Variants in TMEM92 observed in about 807,000 individuals in gnomAD.
TMEM92 encodes transmembrane protein 92.
TMEM92 carries 15 observed loss-of-function variants against 14.6 expected under a neutral mutation model. The ratio of observed to expected loss-of-function variants is 1.03; its 90% CI spans 0.69 to 1.58. The LOEUF is 1.58. Ranked by LOEUF, TMEM92 falls within the 40% of genes most tolerant of loss-of-function variation. The pLI is 0.00. For missense variants in TMEM92, 174 were observed against 202.4 expected, an observed-to-expected ratio of 0.86 and a Z score of 0.85; for synonymous variants, 85 against 83.3, an observed-to-expected ratio of 1.02 and a Z score of -0.11.
chr17:50,273,738 C>T (rs913885274), upstream of TMEM92, among the ~76,000 whole-genome samples: 4 of 152,198 alleles, frequency 2.6e-5, no homozygotes, highest in Non-Finnish European at 4.4e-5. Context: ...ACCATAACCC[C>T]TCAAAATCTA....
rs1380087818 is a variant in TMEM92, at chr17:50,280,236, T to G, written c.*928T>G. ...ACCACCTGCTGGGAGACAATGGGGG[T>G]GGGGAAAAGCCCAGGAGAGCAGTGG... On this transcript the variant is annotated 3_prime_UTR_variant, in exon 5 of 5. Coordinates refer to ENST00000507382, the MANE Select transcript of TMEM92 (RefSeq NM_153229.3). The G allele has an allele frequency of 6.6e-6, 1 of 151,786 alleles. No homozygotes were observed. Among genetic ancestry groups the G allele is most frequent in the Non-Finnish European group, 1.5e-5 (1 of 67,992 alleles). The allele number at this position is 151,786 out of a possible 1,614,324, so 9.4% of individuals were successfully genotyped here. A position where few individuals can be genotyped will look rare whatever the true frequency, so the allele number is the denominator to read the frequency against.
In TMEM92 at chr17:50,277,481, G is replaced by A. The variant is rs571868220; in HGVS notation, c.70-234G>A. Among the ~76,000 whole-genome samples the A allele has an allele frequency of 3.3e-5, 5 of 152,076 alleles. No individual in the cohort carries two copies. In the South Asian group the frequency reaches 1.0e-3, roughly 32 times the overall value. On this transcript the variant is annotated intron_variant, in intron 1 of 4. Coordinates refer to ENST00000507382, the MANE Select transcript of TMEM92 (RefSeq NM_153229.3). The stretch of plus-strand genomic sequence containing the variant: ...AAGGGATGAGCTTACAAACCCGGGG[G>A]TGATGGAATGTGCTGAGAGAGGAAG...
At chr17:50,276,719 A>T (rs929209819) in intron 1 of TMEM92, among the ~76,000 whole-genome samples, 1 of 152,200 alleles carries the variant, frequency 6.6e-6, no homozygotes, top group Non-Finnish European at 1.5e-5. Context: ...TGATGAATGC[A>T]CGTTCATTCA....
At chr17:50,278,024 C>T (rs1910485947) in intron 2 of TMEM92, among the ~76,000 whole-genome samples, 1 of 152,188 alleles carries the variant, frequency 6.6e-6, no homozygotes, top group East Asian at 1.9e-4. Flanking sequence ...TCCCCTGGGT[C>T]GGAGGCAGGG....
At position 50,274,822 on chromosome 17, in the gene TMEM92, T is replaced by A. The variant is rs8065325; in HGVS notation, c.69+252T>A. ...AGTGGCCACCACCCACCACCTTATCTGACACCTAGCACGTCTCTGTGAATA... is the reference window on the plus strand; with the variant it reads ...AGTGGCCACCACCCACCACCTTATCAGACACCTAGCACGTCTCTGTGAATA... On this transcript the variant is annotated intron_variant, in intron 1 of 4. Transcript: ENST00000507382. 1,362 of 542,358 alleles carry A rather than the reference T, an allele frequency of 2.5e-3. 9 individuals carry two copies. The highest frequency in any genetic ancestry group is 0.023 in the African/African-American group (1,185 of 51,432). 33.6% of individuals were successfully genotyped at this position (542,358 alleles called of 1,614,324 possible). A position where few individuals can be genotyped will look rare whatever the true frequency, so the allele number is the denominator to read the frequency against.
chr17:50,272,134 G>T (rs1312781025), upstream of TMEM92, among the ~76,000 whole-genome samples: 1 of 152,018 alleles, frequency 6.6e-6, no homozygotes, highest in African/African-American at 2.4e-5. Context: ...CCCTAGATCT[G>T]GGTCAGGTTG....
chr17:50,278,430 C>T lies in TMEM92; in HGVS notation c.96-126C>T, dbSNP rs899698499. 1.4e-5 allele frequency: 15 copies of T among 1,047,252 alleles called. No individual in the cohort carries two copies. In the Admixed American group the frequency reaches 2.5e-4, roughly 18 times the overall value. 64.9% of individuals were successfully genotyped at this position (1,047,252 alleles called of 1,614,324 possible). ...AGCTCAGAGCGGGGGCCATACCCCC[C>T]ACCCCACTAAGGGGTGGCTTGTGCC... On this transcript the variant is annotated intron_variant, in intron 2 of 4. Coordinates refer to ENST00000507382, the MANE Select transcript of TMEM92 (RefSeq NM_153229.3).
At chr17:50,272,487 G>A (rs1910278151), upstream of TMEM92, among the ~76,000 whole-genome samples, 1 of 152,054 alleles carries the variant, frequency 6.6e-6, no homozygotes, top group African/African-American at 2.4e-5. Flanking sequence ...AGCCCAAGTT[G>A]GCAACGACTC....
upstream of TMEM92, chr17:50,274,412 C>T (rs1224323550): frequency 1.2e-5 from 17 of 1,414,796 alleles, no homozygotes; most frequent in Non-Finnish European, 1.4e-5. Flanking sequence ...CGCCCCCATC[C>T]CGAGGCGGGG....
chr17:50,276,423 G>T (rs1910434577), intron 1 of TMEM92, among the ~76,000 whole-genome samples: 1 of 152,220 alleles, frequency 6.6e-6, no homozygotes, highest in Non-Finnish European at 1.5e-5. Context: ...CTCAGCCTGG[G>T]ACTGAGCGTG....
rs557449080 is a variant in TMEM92 at position 50,279,331 on chromosome 17, G to A, written c.*23G>A. 1.2e-6 allele frequency: 2 copies of A among 1,604,320 alleles called. No homozygotes were observed. The highest frequency in any genetic ancestry group is 3.3e-5 in the Admixed American group (2 of 59,914). On this transcript the variant is annotated 3_prime_UTR_variant, in exon 5 of 5. Transcript: ENST00000507382. ...TGAGTCACCTCCTGCCTGGAATCTT[G>A]CCATCAGCAACCTCCTCCCCAGTGC...
chr17:50,277,875 C>A, intron 2 of TMEM92, 135 bp downstream of exon 2: 1 of 1,141,904 alleles, frequency 8.8e-7, no homozygotes, highest in South Asian at 1.3e-5. Flanking sequence ...GAAACTGTCC[C>A]CCCACTTTCC....
chr17:50,278,430 C>G (rs899698499), intron 2 of TMEM92, 126 bp from the exon 3 acceptor site: 1 of 1,047,250 alleles, frequency 9.5e-7, no homozygotes, highest in African/African-American at 1.6e-5. Flanking sequence ...CCATACCCCC[C>G]ACCCCACTAA....
At chr17:50,274,777 AG>A (rs1466869300) in intron 1 of TMEM92, 2 of 582,442 alleles carry the variant, frequency 3.4e-6, no homozygotes, top group Non-Finnish European at 6.1e-6. Flanking sequence ...CCCACCTCTG[AG>A]GGGGATCCTG....
chr17:50,276,674 C>G (rs1258531163), intron 1 of TMEM92, among the ~76,000 whole-genome samples: 1 of 152,180 alleles, frequency 6.6e-6, no homozygotes, highest in African/African-American at 2.4e-5. Flanking sequence ...CCCCCACAGT[C>G]TGGGAGCAGC....
upstream of TMEM92, among the ~76,000 whole-genome samples, chr17:50,273,785 C>T (rs1361729393): frequency 2.6e-5 from 4 of 152,234 alleles, no homozygotes; most frequent in Middle Eastern, 6.8e-3. Context: ...TCAACCTCTG[C>T]CCCCATTTGA....
At chr17:50,272,773 G>A (rs201586534), upstream of TMEM92, among the ~76,000 whole-genome samples, 3 of 152,056 alleles carry the variant, frequency 2.0e-5, no homozygotes, top group East Asian at 5.8e-4. Flanking sequence ...TGGGGGTGCA[G>A]GACCAAACCA....
At chr17:50,279,093 C>A in intron 4 of TMEM92, 97 bp downstream of exon 4, 1 of 1,423,758 alleles carries the variant, frequency 7.0e-7, no homozygotes, top group Non-Finnish European at 9.9e-7. Context: ...CTGCACCCAG[C>A]ATTGGGTCAC....
rs756774306 is a variant in TMEM92 at position 50,274,529 on chromosome 17, G to A, written c.28G>A (p.Ala10Thr). 3.1e-6 allele frequency: 5 copies of A among 1,613,926 alleles called. No individual in the cohort carries two copies. Reference protein sequence around the residue: MSQAWVPGLAPTLLFSLLAG... With the variant: MSQAWVPGLTPTLLFSLLAG... ...GTCCCAAGCTTGGGTCCCCGGCCTC[G>A]CGCCCACCTTGCTGTTCAGCCTGCT... Residue 10 changes from alanine to threonine, a missense_variant, in exon 1 of 5, where the codon GCG becomes ACG. Physicochemically the swap from Ala to Thr is moderately conservative, Grantham distance 58 (BLOSUM62 0). Transcript: ENST00000507382.
Sources: gnomAD v4.1 joint callset for allele counts (sites outside exome capture counted in the v4.1 genomes callset) on GRCh38, gnomAD v4.1.1 for gene constraint, MANE v1.5 for transcripts, NCBI Gene and HGNC (gene_info 2026-07-23, HGNC 2026-07-21) for gene names.